The following LRIG3 variants were observed in gnomAD, a reference collection of about 807,000 sequenced individuals.
LRIG3 encodes leucine-rich repeats and immunoglobulin-like domains protein 3.
In LRIG3, 76 loss-of-function variants were observed where a neutral mutation model predicts 114.5. The observed-to-expected ratio is 0.66, with a 90% CI of 0.55 to 0.80. The LOEUF (loss-of-function observed/expected upper bound fraction) is 0.80. Among genes scored for constraint, LRIG3 ranks in the 30% least tolerant of loss-of-function variants. LRIG3 has a pLI of 0.00. For missense variants in LRIG3, 1,239 were observed against 1,382.8 expected (o/e 0.90, Z 1.65); for synonymous variants, 512 against 519.8 (o/e 0.98, Z 0.20).
chr12:58,880,348 G>A, intron 13 of LRIG3: 1 of 666,814 alleles, frequency 1.5e-6, no homozygotes, highest in Non-Finnish European at 2.7e-6. Context: ...AACATGTCTG[G>A]TTCATCTCTG....
chr12:58,904,470 T>C (rs1871986422), intron 3 of LRIG3, among the ~76,000 whole-genome samples: 1 of 152,120 alleles, frequency 6.6e-6, no homozygotes, highest in African/African-American at 2.4e-5. Context: ...AGAATGAAGG[T>C]GAGAGAGGGC....
intron 3 of LRIG3, among the ~76,000 whole-genome samples, chr12:58,901,870 A>C (rs1049940763): frequency 6.6e-6 from 1 of 152,256 alleles, no homozygotes; most frequent in Non-Finnish European, 1.5e-5. Context: ...TTTCGTTCTT[A>C]GAAGTGATTA....
chr12:58,890,093 C>T lies in LRIG3; in HGVS notation c.562G>A (p.Asp188Asn). 1 of 1,613,844 alleles carries T rather than the reference C, an allele frequency of 6.2e-7. No individual in the cohort carries two copies. The highest frequency in any genetic ancestry group is 2.2e-5 in the East Asian group (1 of 44,868). The change falls in exon 5 of 19, where the codon GAC (aspartate) becomes AAC (asparagine). Residue 188 changes from aspartate (D) to asparagine (N), a missense_variant. Physicochemically the swap from Asp to Asn is conservative, Grantham distance 23. Transcript: ENST00000320743. ...RVTSMEPGYF[D>N]NLANTLLVLK... is the part of the protein sequence containing the mutation. The stretch of plus-strand genomic sequence containing the variant: ...ACAAGGAGTGTGTTGGCCAAATTGT[C>T]AAAATACCCAGGTTCCATTGATGTG...
intron 3 of LRIG3, among the ~76,000 whole-genome samples, chr12:58,891,985 C>T (rs1324248851): frequency 6.6e-6 from 1 of 151,744 alleles, no homozygotes; most frequent in African/African-American, 2.4e-5. Context: ...ATGCTTCTAC[C>T]ATTGTGTAAA....
intron 3 of LRIG3, among the ~76,000 whole-genome samples, chr12:58,910,602 C>T (rs908580874): frequency 3.3e-5 from 5 of 151,718 alleles, no homozygotes; most frequent in East Asian, 3.9e-4. Flanking sequence ...TGCGAGACTC[C>T]GTCTCAAAAA....
At chr12:58,909,935 A>G (rs1466600541) in intron 3 of LRIG3, among the ~76,000 whole-genome samples, 2 of 152,234 alleles carry the variant, frequency 1.3e-5, no homozygotes, top group Admixed American at 1.3e-4. Flanking sequence ...CACTAAAGAC[A>G]GTATGACATT....
Position 58,919,933 on chromosome 12 carries a change from C to G in LRIG3, c.236+67G>C, listed in dbSNP as rs1025231039. 2.1e-6 allele frequency: 3 copies of G among 1,450,334 alleles called. No individual in the cohort carries two copies. The African/African-American group carries it at 4.2e-5, about 20-fold the overall frequency. The allele number at this position is 1,450,334 out of a possible 1,614,324, so 89.8% of individuals were successfully genotyped here. A position where few individuals can be genotyped will look rare whatever the true frequency, so the allele number is the denominator to read the frequency against. ...GGACTGCACGCCGAACCCCATTCCC[C>G]GCCGGCTCCTGTTTTCTCGAATCTC... On this transcript the variant is annotated intron_variant, in intron 1 of 18. Transcript: ENST00000320743.
rs771943299 is a variant in LRIG3, at chr12:58,911,313, G to A, written c.383+2669C>T. ...CAGCTCCTGGCTCCTATAGCTAAGA[G>A]AAGACAAAAGTCTCACCAGGACAGT... On this transcript the variant is annotated intron_variant, in intron 3 of 18. Transcript: ENST00000320743. 3.9e-5 allele frequency among the ~76,000 whole-genome samples: 6 copies of A among 152,156 alleles called. No individual in the cohort carries two copies. In the South Asian group the frequency reaches 6.2e-4, roughly 16 times the overall value.
intron 1 of LRIG3, among the ~76,000 whole-genome samples, chr12:58,918,361 C>T (rs556725288): frequency 3.9e-4 from 59 of 152,238 alleles, no homozygotes; most frequent in African/African-American, 1.3e-3. Context: ...GTATCGAACC[C>T]CTTTTGGTTC....
chr12:58,894,417 T>C (rs1436938449), intron 3 of LRIG3, among the ~76,000 whole-genome samples: 2 of 152,150 alleles, frequency 1.3e-5, no homozygotes, highest in Non-Finnish European at 2.9e-5. Context: ...ACCATACCAG[T>C]TTAACACAAA....
Position 58,876,604 on chromosome 12 carries a change from C to T in LRIG3, c.2537-1G>A. 1.2e-6 allele frequency: 2 copies of T among 1,614,114 alleles called. No individual in the cohort carries two copies. The highest frequency in any genetic ancestry group is 1.7e-6 in the Non-Finnish European group (2 of 1,180,004). Reference sequence around the variant, plus strand: ...ATATCTGCTGGCAAGTTGGTCTCATCTGTAATAAAACAGCAGCATTTTATT... The same window carrying T: ...ATATCTGCTGGCAAGTTGGTCTCATTTGTAATAAAACAGCAGCATTTTATT... On this transcript the variant is annotated splice_acceptor_variant, in intron 15 of 18. Coordinates refer to ENST00000320743, the MANE Select transcript of LRIG3 (RefSeq NM_153377.5). LOFTEE classifies it high-confidence loss of function.
chr12:58,915,319 C>T (rs1481723916), intron 1 of LRIG3, among the ~76,000 whole-genome samples: 3 of 152,138 alleles, frequency 2.0e-5, no homozygotes, highest in Admixed American at 2.0e-4. Context: ...CCAACCCATA[C>T]TAATTTTTTT....
intron 5 of LRIG3, among the ~76,000 whole-genome samples, chr12:58,889,173 TA>T (rs1871371167): frequency 6.6e-6 from 1 of 152,208 alleles, no homozygotes; most frequent in African/African-American, 2.4e-5. Flanking sequence ...TTTGGAATAA[TA>T]AAATACTGAA....
chr12:58,891,695 C>T (rs1871461291), intron 3 of LRIG3, among the ~76,000 whole-genome samples: 1 of 152,116 alleles, frequency 6.6e-6, no homozygotes, highest in African/African-American at 2.4e-5. Context: ...AATGAATATG[C>T]TCCAGCCCTT....
rs1216642868 is a variant in LRIG3, at chr12:58,893,427, A to G, written c.384-2631T>C. Among the ~76,000 whole-genome samples the G allele has an allele frequency of 2.0e-5, 3 of 152,374 alleles. No individual in the cohort carries two copies. The South Asian group carries it at 6.2e-4, about 32-fold the overall frequency. ...AAAAAAGAGACGATTCAGCAGTCCC[A>G]TGTACAAGTCACAAATGAGTATCAA... is the stretch of plus-strand genomic sequence containing the variant. On this transcript the variant is annotated intron_variant, in intron 3 of 18. Transcript: ENST00000320743.
intron 3 of LRIG3, among the ~76,000 whole-genome samples, chr12:58,897,239 T>A (rs547486149): frequency 6.6e-6 from 1 of 152,292 alleles, no homozygotes; most frequent in South Asian, 2.1e-4. Context: ...AGATTCTTGA[T>A]GAAGAATTAA....
chr12:58,903,825 C>T (rs1054220224), intron 3 of LRIG3, among the ~76,000 whole-genome samples: 1 of 152,014 alleles, frequency 6.6e-6, no homozygotes, highest in Non-Finnish European at 1.5e-5. Flanking sequence ...AATAGGGAAT[C>T]CTTTCCCCAT....
intron 17 of LRIG3, 43 bp from the exon 18 acceptor site, chr12:58,874,373 C>T (rs769905460): frequency 3.7e-6 from 6 of 1,608,464 alleles, no homozygotes; most frequent in East Asian, 4.5e-5. Context: ...TTACAGTTAG[C>T]ACATCTAGAA....
chr12:58,919,937 G>A (rs1369774130), intron 1 of LRIG3, 63 bp downstream of exon 1: 3 of 1,458,732 alleles, frequency 2.1e-6, no homozygotes, highest in Non-Finnish European at 2.8e-6. Context: ...ATTCCCCGCC[G>A]GCTCCTGTTT....
Sources: allele counts gnomAD v4.1 joint callset (sites outside exome capture counted in the v4.1 genomes callset), GRCh38; gene constraint gnomAD v4.1.1; transcripts MANE v1.5; gene names NCBI Gene and HGNC (gene_info 2026-07-23, HGNC 2026-07-21).